Variants in SPECC1 observed in about 807,000 individuals in gnomAD.
The protein encoded by SPECC1 is sperm antigen with calponin homology and coiled-coil domains 1, also known as cytospin-B.
In SPECC1, 62 loss-of-function variants were observed where a neutral mutation model predicts 104.1. The ratio of observed to expected loss-of-function variants is 0.60; its 90% CI spans 0.49 to 0.74. The LOEUF (loss-of-function observed/expected upper bound fraction) is 0.74. SPECC1 is among the 30% of genes least tolerant of loss of function. The pLI, the probability that SPECC1 is intolerant of heterozygous loss-of-function variation, is 0.00. For synonymous variants in SPECC1, 513 were observed against 501.6 expected (o/e 1.02, Z -0.30); for missense variants, 1,306 against 1,310.5 (o/e 1.00, Z 0.05).
At position 20,246,083 on chromosome 17, in the gene SPECC1, T is replaced by C. The variant is rs1290000711; in HGVS notation, c.2497+12T>C. 1.9e-6 allele frequency: 3 copies of C among 1,612,916 alleles called. No homozygotes were observed. Among genetic ancestry groups the C allele is most frequent in the Admixed American group, 1.7e-5 (1 of 59,968 alleles). On this transcript the variant is annotated intron_variant, in intron 8 of 14. Coordinates refer to ENST00000395527, the MANE Select transcript of SPECC1 (RefSeq NM_001243439.2). ...CTTGGGACGCCCAGGTATTTAATCA[T>C]TTTTTCTATAAGCAAAGCTCCAAAT...
At chr17:20,130,840 T>C (rs987263843) in intron 3 of SPECC1, among the ~76,000 whole-genome samples, 2 of 152,226 alleles carry the variant, frequency 1.3e-5, no homozygotes, top group Admixed American at 1.3e-4. Context: ...CTATGTTGAA[T>C]CTCCTAATCC....
intron 3 of SPECC1, among the ~76,000 whole-genome samples, chr17:20,185,592 A>G (rs2151254788): frequency 6.6e-6 from 1 of 152,354 alleles, no homozygotes; most frequent in Non-Finnish European, 1.5e-5. Flanking sequence ...ATCAGAAAAT[A>G]AAACGGTTGT....
intron 3 of SPECC1, among the ~76,000 whole-genome samples, chr17:20,199,204 A>T (rs561422406): frequency 6.8e-6 from 1 of 147,102 alleles, no homozygotes; most frequent in South Asian, 2.1e-4. Context: ...CTCCTGCCTC[A>T]GCCTCCCAAG....
At chr17:20,033,243 CAT>C (rs1370091041) in intron 1 of SPECC1, among the ~76,000 whole-genome samples, 1 of 152,088 alleles carries the variant, frequency 6.6e-6, no homozygotes, top group Non-Finnish European at 1.5e-5. Flanking sequence ...GGATTACAGA[CAT>C]AAGCTACCAT....
chr17:20,309,810 C>A (rs1403117611), intron 14 of SPECC1, among the ~76,000 whole-genome samples: 1 of 97,066 alleles, frequency 1.0e-5, no homozygotes, highest in East Asian at 4.6e-4. Flanking sequence ...TTTCTTTCTC[C>A]TTTTCTTTTT....
At chr17:20,275,479 A>T (rs908662001) in intron 12 of SPECC1, among the ~76,000 whole-genome samples, 1 of 152,222 alleles carries the variant, frequency 6.6e-6, no homozygotes, top group African/African-American at 2.4e-5. Context: ...GACAGAATTA[A>T]TTCTTAGCCA....
chr17:20,226,910 GT>G lies in SPECC1; in HGVS notation c.1864-501del, dbSNP rs540603272. Among the ~76,000 whole-genome samples, 1,004 of 152,224 alleles carry G rather than the reference GT, an allele frequency of 6.6e-3. 10 individuals carry two copies. The highest frequency in any genetic ancestry group is 0.023 in the African/African-American group (951 of 41,542). ...TGCAGATTAGCCTGGCTTCAGGGTT[GT>G]TGTTCACAGCTCAGCAGCAGAGGGC... On this transcript the variant is annotated intron_variant, in intron 4 of 14. Transcript: ENST00000395527.
At chr17:20,189,286 C>T (rs549398338) in intron 3 of SPECC1, among the ~76,000 whole-genome samples, 1 of 152,280 alleles carries the variant, frequency 6.6e-6, no homozygotes, top group Admixed American at 6.5e-5. Context: ...GCCAAGCTCT[C>T]TAGTTAGGCA....
chr17:20,248,241 T>C (rs998142602), intron 9 of SPECC1, among the ~76,000 whole-genome samples: 11 of 152,146 alleles, frequency 7.2e-5, no homozygotes, highest in Non-Finnish European at 1.3e-4. Flanking sequence ...CCTTGCACCT[T>C]CCAGATCCTC....
At chr17:20,258,953 A>G (rs975942071) in intron 11 of SPECC1, among the ~76,000 whole-genome samples, 1 of 152,236 alleles carries the variant, frequency 6.6e-6, no homozygotes, top group Non-Finnish European at 1.5e-5. Flanking sequence ...TTCAACTTAC[A>G]TTTTGGTATC....
chr17:20,049,864 C>T (rs2045674571), intron 1 of SPECC1, among the ~76,000 whole-genome samples: 1 of 151,480 alleles, frequency 6.6e-6, no homozygotes, highest in African/African-American at 2.4e-5. Context: ...GCTCTTGTTG[C>T]CCAGGCTGGA....
At position 20,110,568 on chromosome 17, in the gene SPECC1, A is replaced by C; in HGVS notation, c.283+6A>C. On this transcript the variant is annotated splice_donor_region_variant and intron_variant, in intron 3 of 14. Coordinates refer to ENST00000395527, the MANE Select transcript of SPECC1 (RefSeq NM_001243439.2). Reference sequence around the variant, plus strand: ...CCGCCTGAGGAGCGGCACAGGTAGGAGGGACCGGGCAGGTGGGCTCGGCAG... The same window carrying C: ...CCGCCTGAGGAGCGGCACAGGTAGGCGGGACCGGGCAGGTGGGCTCGGCAG... The C allele has an allele frequency of 6.2e-7, 1 of 1,611,050 alleles. No individual in the cohort carries two copies. The highest frequency in any genetic ancestry group is 1.1e-5 in the South Asian group (1 of 90,772).
intron 2 of SPECC1, among the ~76,000 whole-genome samples, chr17:20,105,363 C>A (rs1483658344): frequency 6.6e-6 from 1 of 152,184 alleles, no homozygotes; most frequent in Non-Finnish European, 1.5e-5. Context: ...CAAATGTTTT[C>A]TCCATTTTAG....
intron 14 of SPECC1, among the ~76,000 whole-genome samples, chr17:20,308,085 T>C (rs992465821): frequency 1.3e-5 from 2 of 152,134 alleles, no homozygotes; most frequent in African/African-American, 4.8e-5. Flanking sequence ...TAAGTTGAAA[T>C]AAAAATGAGA....
intron 12 of SPECC1, among the ~76,000 whole-genome samples, chr17:20,280,441 G>A (rs2040727049): frequency 6.6e-6 from 1 of 152,170 alleles, no homozygotes; most frequent in Admixed American, 6.5e-5. Context: ...CCAGTCCCTT[G>A]GTCTCTACAC....
chr17:20,138,950 A>AT (rs2030388214), intron 3 of SPECC1, among the ~76,000 whole-genome samples: 1 of 152,212 alleles, frequency 6.6e-6, no homozygotes, highest in African/African-American at 2.4e-5. Flanking sequence ...ACTAGTAAAA[A>AT]TAGGGCCAGA....
At chr17:20,109,930 C>CT (rs2048399287) in intron 2 of SPECC1, among the ~76,000 whole-genome samples, 1 of 152,102 alleles carries the variant, frequency 6.6e-6, no homozygotes, top group African/African-American at 2.4e-5. Context: ...ACAATCATAG[C>CT]TTACTGCAAC....
intron 7 of SPECC1, among the ~76,000 whole-genome samples, chr17:20,245,466 C>T (rs1163383464): frequency 1.3e-5 from 2 of 152,112 alleles, no homozygotes; most frequent in African/African-American, 4.8e-5. Context: ...TTAAATCACA[C>T]CCAAAATCCC....
intron 3 of SPECC1, among the ~76,000 whole-genome samples, chr17:20,143,073 A>G (rs773210005): frequency 6.6e-6 from 1 of 151,978 alleles, no homozygotes; most frequent in Non-Finnish European, 1.5e-5. Context: ...TAAAAATAAT[A>G]AAGGGAATAA....
Sources: allele counts gnomAD v4.1 joint callset (sites outside exome capture counted in the v4.1 genomes callset), GRCh38; gene constraint gnomAD v4.1.1; transcripts MANE v1.5; gene names NCBI Gene and HGNC (gene_info 2026-07-23, HGNC 2026-07-21).